The following BAIAP2L1 variants were observed in gnomAD, a reference collection of about 807,000 sequenced individuals.
The protein encoded by BAIAP2L1 is BAR/IMD domain containing adaptor protein 2 like 1.
Under a neutral mutation model 66.3 loss-of-function variants are expected in BAIAP2L1, and 35 were observed. The ratio of observed to expected loss-of-function variants is 0.53; its 90% CI spans 0.40 to 0.70. The LOEUF (loss-of-function observed/expected upper bound fraction) is 0.70, where lower values mean the gene tolerates loss of function less well. BAIAP2L1 is among the 30% of genes least tolerant of loss of function. The probability of loss-of-function intolerance (pLI) is 0.00; values close to 1 mark genes in which losing one functional copy is unlikely to be tolerated. For synonymous variants in BAIAP2L1, 269 were observed against 248.7 expected (o/e 1.08, Z -0.77); for missense variants, 622 against 656.9 (o/e 0.95, Z 0.58).
intron 3 of BAIAP2L1, among the ~76,000 whole-genome samples, chr7:98,353,601 A>G (rs923078744): frequency 7.3e-5 from 10 of 137,076 alleles, no homozygotes; most frequent in Non-Finnish European, 1.4e-4. Context: ...ATATATGTAT[A>G]TTATATGTAT....
At chr7:98,397,079 C>T (rs1329379586) in intron 1 of BAIAP2L1, among the ~76,000 whole-genome samples, 1 of 152,056 alleles carries the variant, frequency 6.6e-6, no homozygotes, top group Admixed American at 6.6e-5. Flanking sequence ...GGGAAAGAAA[C>T]ATAAATAAAT....
intron 1 of BAIAP2L1, chr7:98,400,457 C>T: frequency 4.1e-6 from 1 of 242,244 alleles, no homozygotes; most frequent in East Asian, 1.2e-4. Flanking sequence ...GGGACAGTGT[C>T]GAGGGGCAGG....
chr7:98,294,913 G>C (rs139839272), intron 12 of BAIAP2L1, among the ~76,000 whole-genome samples: 2 of 152,032 alleles, frequency 1.3e-5, no homozygotes, highest in Non-Finnish European at 2.9e-5. Context: ...AGGTGTGTGC[G>C]CGCCTTCTTT....
intron 1 of BAIAP2L1, among the ~76,000 whole-genome samples, chr7:98,392,879 G>A (rs190956331): frequency 2.1e-3 from 318 of 151,794 alleles, no homozygotes; most frequent in Non-Finnish European, 3.7e-3. Flanking sequence ...TGCAACCTCC[G>A]CCTCCCAGGT....
At chr7:98,299,083 T>C (rs1039180545) in intron 12 of BAIAP2L1, among the ~76,000 whole-genome samples, 1 of 152,158 alleles carries the variant, frequency 6.6e-6, no homozygotes, top group African/African-American at 2.4e-5. Flanking sequence ...TGGCGTGATC[T>C]TGGCTCACTG....
intron 12 of BAIAP2L1, among the ~76,000 whole-genome samples, chr7:98,300,846 C>A (rs1404046456): frequency 6.6e-6 from 1 of 152,200 alleles, no homozygotes; most frequent in Non-Finnish European, 1.5e-5. Context: ...CTTGAGCCCC[C>A]CAAGTCACCG....
intron 3 of BAIAP2L1, among the ~76,000 whole-genome samples, chr7:98,347,592 G>A (rs1420769938): frequency 1.3e-5 from 2 of 151,974 alleles, no homozygotes; most frequent in East Asian, 1.9e-4. Flanking sequence ...TGGCTAACAT[G>A]GTGAAAACCC....
At chr7:98,336,657 T>C (rs1375869941) in intron 3 of BAIAP2L1, among the ~76,000 whole-genome samples, 1 of 152,230 alleles carries the variant, frequency 6.6e-6, no homozygotes, top group African/African-American at 2.4e-5. Context: ...TATCATTCTC[T>C]TACATGCCCA....
chr7:98,369,299 G>C (rs1030249392), intron 1 of BAIAP2L1, among the ~76,000 whole-genome samples: 2 of 152,060 alleles, frequency 1.3e-5, no homozygotes, highest in African/African-American at 4.8e-5. Context: ...CCTGGGCAAC[G>C]TGGTGAAACC....
intron 3 of BAIAP2L1, among the ~76,000 whole-genome samples, chr7:98,340,959 G>GTTGT (rs747954051): frequency 1.2e-4 from 16 of 129,560 alleles, no homozygotes; most frequent in African/African-American, 4.3e-4. Context: ...CAGCTAATTG[G>GTTGT]TTTTTTTTTT....
intron 1 of BAIAP2L1, among the ~76,000 whole-genome samples, chr7:98,398,324 C>G (rs1194141674): frequency 6.6e-6 from 1 of 152,002 alleles, no homozygotes; most frequent in Non-Finnish European, 1.5e-5. Flanking sequence ...GGGAAGAACC[C>G]AATACAGGGG....
At chr7:98,349,727 C>T (rs906703750) in intron 3 of BAIAP2L1, among the ~76,000 whole-genome samples, 1 of 151,228 alleles carries the variant, frequency 6.6e-6, no homozygotes, top group Non-Finnish European at 1.5e-5. Context: ...AAAAAAAATA[C>T]GGCCGGGGAT....
At chr7:98,349,682 G>T (rs1242034069) in intron 3 of BAIAP2L1, among the ~76,000 whole-genome samples, 1 of 151,554 alleles carries the variant, frequency 6.6e-6, no homozygotes, top group Non-Finnish European at 1.5e-5. Context: ...AGACTAGCCT[G>T]GCCAGCATGG....
At chr7:98,301,509 G>A (rs1021895045) in intron 12 of BAIAP2L1, among the ~76,000 whole-genome samples, 3 of 149,858 alleles carry the variant, frequency 2.0e-5, no homozygotes, top group Non-Finnish European at 3.0e-5. Flanking sequence ...AGTGGAGACG[G>A]GATTTCACCG....
At chr7:98,384,487 A>T (rs1415891797) in intron 1 of BAIAP2L1, among the ~76,000 whole-genome samples, 1 of 152,096 alleles carries the variant, frequency 6.6e-6, no homozygotes, top group Non-Finnish European at 1.5e-5. Context: ...AAAAGCAATC[A>T]ATAAATTTAC....
chr7:98,330,525 C>T (rs1190459742), intron 3 of BAIAP2L1, among the ~76,000 whole-genome samples: 1 of 152,072 alleles, frequency 6.6e-6, no homozygotes, highest in East Asian at 1.9e-4. Context: ...GGCGTGGTGG[C>T]GCACGCCTGT....
At chr7:98,301,689 CTG>C (rs375259889) in intron 12 of BAIAP2L1, among the ~76,000 whole-genome samples, 3 of 151,956 alleles carry the variant, frequency 2.0e-5, no homozygotes, top group African/African-American at 7.2e-5. Context: ...ACACGCGCGT[CTG>C]TGTGTGTGGT....
chr7:98,386,810 C>T (rs1802904914), intron 1 of BAIAP2L1, among the ~76,000 whole-genome samples: 1 of 142,328 alleles, frequency 7.0e-6, no homozygotes, highest in African/African-American at 2.6e-5. Flanking sequence ...AGTGATTCTC[C>T]TGCCTCAGCC....
chr7:98,344,106 G>C (rs1237905939), intron 3 of BAIAP2L1, among the ~76,000 whole-genome samples: 2 of 152,192 alleles, frequency 1.3e-5, no homozygotes, highest in African/African-American at 4.8e-5. Context: ...GAACCCGGTA[G>C]GTGGAGGTTG....
Sources: gnomAD v4.1 joint callset for allele counts (sites outside exome capture counted in the v4.1 genomes callset) on GRCh38, gnomAD v4.1.1 for gene constraint, MANE v1.5 for transcripts, NCBI Gene and HGNC (gene_info 2026-07-23, HGNC 2026-07-21) for gene names.